Variants in PPM1L observed in about 807,000 individuals in gnomAD.
The protein encoded by PPM1L is protein phosphatase, Mg2+/Mn2+ dependent 1L.
In PPM1L, 13 loss-of-function variants were observed where a neutral mutation model predicts 31.4. The ratio of observed to expected loss-of-function variants is 0.41; its 90% confidence interval spans 0.27 to 0.66. The LOEUF (loss-of-function observed/expected upper bound fraction) is 0.66. Among genes scored for constraint, PPM1L ranks in the 30% least tolerant of loss-of-function variants. PPM1L has a pLI of 0.29. For synonymous variants in PPM1L, 184 were observed against 175.4 expected (o/e 1.05, Z -0.39); for missense variants, 326 against 453.7 (o/e 0.72, Z 2.56).
chr3:160,928,564 T>G (rs1369998446), intron 1 of PPM1L, among the ~76,000 whole-genome samples: 1 of 152,150 alleles, frequency 6.6e-6, no homozygotes, highest in Non-Finnish European at 1.5e-5. Flanking sequence ...ATACAAAGAG[T>G]ATCAGTGCTA....
chr3:160,856,538 A>G (rs937260644), intron 1 of PPM1L, among the ~76,000 whole-genome samples: 22 of 152,004 alleles, frequency 1.4e-4, no homozygotes, highest in Non-Finnish European at 1.9e-4. Context: ...CCATTATCCT[A>G]AGCAAACTAA....
chr3:160,796,644 G>T (rs16831473), intron 1 of PPM1L, among the ~76,000 whole-genome samples: 2 of 152,038 alleles, frequency 1.3e-5, no homozygotes, highest in Non-Finnish European at 2.9e-5. Context: ...GGAGCATGAC[G>T]AAGGGCTTGA....
At chr3:161,000,286 A>G (rs1478077879) in intron 2 of PPM1L, among the ~76,000 whole-genome samples, 2 of 152,224 alleles carry the variant, frequency 1.3e-5, no homozygotes, top group East Asian at 3.8e-4. Flanking sequence ...TTCGAAGTGG[A>G]AGCTGTAATT....
In PPM1L at chr3:161,075,318, G is replaced by A. The variant is rs1720064343; in HGVS notation, c.*6161G>A. The A allele has an allele frequency of 6.6e-6, 1 of 152,170 alleles. No homozygotes were observed. The highest frequency in any genetic ancestry group is 2.1e-4 in the South Asian group (1 of 4,830). 9.4% of individuals were successfully genotyped at this position (152,170 alleles called of 1,614,324 possible). On this transcript the variant is annotated 3_prime_UTR_variant, in exon 4 of 4. Transcript: ENST00000498165. ...TACCCAGACATTAAAAATGTAAAAA[G>A]TAGCTTATAAGAAATGTGGATTATC... is the stretch of plus-strand genomic sequence containing the variant.
At chr3:160,907,365 C>G (rs1713798886) in intron 1 of PPM1L, among the ~76,000 whole-genome samples, 1 of 152,116 alleles carries the variant, frequency 6.6e-6, no homozygotes, top group African/African-American at 2.4e-5. Context: ...TTGAAGCTAC[C>G]TAGCTTTTTG....
chr3:160,813,351 T>G (rs1712867800), intron 1 of PPM1L, among the ~76,000 whole-genome samples: 1 of 152,112 alleles, frequency 6.6e-6, no homozygotes, highest in Admixed American at 6.6e-5. Context: ...TTTATTTTAT[T>G]TTTTTTGAGA....
rs565800984 is a variant in PPM1L, at chr3:161,046,845, A to C, written c.575-18558A>C. 1.6e-3 allele frequency among the ~76,000 whole-genome samples: 242 copies of C among 152,312 alleles called. 1 individual carries two copies. The highest frequency in any genetic ancestry group is 3.4e-3 in the Middle Eastern group (1 of 294). On this transcript the variant is annotated intron_variant, in intron 2 of 3. Coordinates refer to ENST00000498165, the MANE Select transcript of PPM1L (RefSeq NM_139245.4). ...CAGAACCAAAAACAAAAACCACATG[A>C]TTATCTCAATGGATGCAGAAAAGGC...
At chr3:161,041,767 C>CA (rs1169468901) in intron 2 of PPM1L, among the ~76,000 whole-genome samples, 3 of 151,894 alleles carry the variant, frequency 2.0e-5, no homozygotes, top group Non-Finnish European at 4.4e-5. Context: ...ACAAACAAAA[C>CA]AAAAAACACA....
At position 160,858,311 on chromosome 3, in the gene PPM1L, G is replaced by A. The variant is rs1010187069; in HGVS notation, c.399+101604G>A. ...ATCCAGGCTGGAGTGCAATAGCATG[G>A]TCTTGGCTCACTGCAAGAACCGCCT... On this transcript the variant is annotated intron_variant, in intron 1 of 3. Transcript: ENST00000498165. Among the ~76,000 whole-genome samples, 5 of 151,528 alleles carry A rather than the reference G, an allele frequency of 3.3e-5. No individual in the cohort carries two copies. In the East Asian group the frequency reaches 9.7e-4, roughly 29 times the overall value.
intron 1 of PPM1L, among the ~76,000 whole-genome samples, chr3:160,816,098 T>A (rs1246453130): frequency 6.6e-6 from 1 of 152,134 alleles, no homozygotes; most frequent in Non-Finnish European, 1.5e-5. Flanking sequence ...AATTTTTCCT[T>A]CATTGAGAGA....
At chr3:160,926,190 A>C (rs969244217) in intron 1 of PPM1L, among the ~76,000 whole-genome samples, 7 of 152,032 alleles carry the variant, frequency 4.6e-5, no homozygotes, top group African/African-American at 1.4e-4. Context: ...TTCTCTGTGG[A>C]TTCATAATGT....
intron 2 of PPM1L, among the ~76,000 whole-genome samples, chr3:160,990,533 A>G (rs778647): frequency 0.13 from 19,562 of 152,238 alleles, 1,429 homozygotes; most frequent in East Asian, 0.28. Flanking sequence ...CAGATGTACA[A>G]CAGCTGCAAA....
intron 1 of PPM1L, among the ~76,000 whole-genome samples, chr3:160,771,543 CTTTTTTTTTT>C (rs745978148): frequency 3.0e-4 from 23 of 77,400 alleles, no homozygotes; most frequent in African/African-American, 6.5e-4. Flanking sequence ...AAGGCTGGCT[CTTTTTTTTTT>C]TTTTTTTTTT....
intron 2 of PPM1L, among the ~76,000 whole-genome samples, chr3:160,972,759 C>G (rs1407601477): frequency 6.6e-6 from 1 of 151,986 alleles, no homozygotes; most frequent in East Asian, 1.9e-4. Context: ...GTTCTAGATC[C>G]CTGAGGAATC....
intron 1 of PPM1L, among the ~76,000 whole-genome samples, chr3:160,941,675 C>T (rs1439534116): frequency 2.0e-5 from 3 of 152,142 alleles, no homozygotes; most frequent in Non-Finnish European, 4.4e-5. Context: ...TCTTTTTCTT[C>T]CCAGTCTCGG....
At chr3:161,061,581 T>C (rs1719570710) in intron 2 of PPM1L, among the ~76,000 whole-genome samples, 1 of 152,202 alleles carries the variant, frequency 6.6e-6, no homozygotes, top group Non-Finnish European at 1.5e-5. Context: ...AAAAACAATA[T>C]AACATCATAC....
At chr3:160,816,641 C>A (rs906311940) in intron 1 of PPM1L, among the ~76,000 whole-genome samples, 4 of 151,818 alleles carry the variant, frequency 2.6e-5, no homozygotes, top group Non-Finnish European at 4.4e-5. Flanking sequence ...AAACCCAAGG[C>A]CCTGTGTAGC....
chr3:160,775,729 G>T (rs1336300988), intron 1 of PPM1L, among the ~76,000 whole-genome samples: 1 of 152,212 alleles, frequency 6.6e-6, no homozygotes, highest in Admixed American at 6.5e-5. Context: ...GAGTGTTATG[G>T]ATTACAGTAC....
intron 2 of PPM1L, among the ~76,000 whole-genome samples, chr3:161,011,255 A>G (rs915164448): frequency 6.6e-6 from 1 of 152,168 alleles, no homozygotes; most frequent in African/African-American, 2.4e-5. Context: ...TTTTCCCAGC[A>G]CCGTTTATTA....
Sources: allele counts gnomAD v4.1 joint callset (sites outside exome capture counted in the v4.1 genomes callset), GRCh38; gene constraint gnomAD v4.1.1; transcripts MANE v1.5; gene names NCBI Gene and HGNC (gene_info 2026-07-23, HGNC 2026-07-21).